The following PDZD2 variants were observed in gnomAD, a reference collection of about 807,000 sequenced individuals.
PDZD2 encodes the protein PDZ domain containing 2, also known as PDZ domain-containing protein 2.
Under a neutral mutation model 220.7 loss-of-function variants are expected in PDZD2, and 90 were observed. That is an observed-to-expected ratio of 0.41 (90% CI 0.34 to 0.49). The LOEUF is 0.49. Ranked by LOEUF, PDZD2 falls within the 20% of genes least tolerant of loss-of-function variation. The probability of loss-of-function intolerance (pLI) is 0.28; values close to 1 mark genes in which losing one functional copy is unlikely to be tolerated. For missense variants in PDZD2, 3,174 were observed against 3,608.5 expected, an observed-to-expected ratio of 0.88 and a Z score of 3.08; for synonymous variants, 1,375 against 1,450.5, an observed-to-expected ratio of 0.95 and a Z score of 1.18.
chr5:31,655,866 C>T (rs1005928038), intron 1 of PDZD2, among the ~76,000 whole-genome samples: 9 of 152,208 alleles, frequency 5.9e-5, no homozygotes, highest in African/African-American at 1.9e-4. Context: ...GCCTCTGTGG[C>T]ATATGTTGTT....
intron 1 of PDZD2, among the ~76,000 whole-genome samples, chr5:31,746,445 G>T (rs1445173570): frequency 1.3e-5 from 2 of 152,174 alleles, no homozygotes; most frequent in African/African-American, 4.8e-5. Context: ...GAGTGGATTG[G>T]TGTGCCAACT....
chr5:31,678,670 C>T (rs1746538321), intron 1 of PDZD2, among the ~76,000 whole-genome samples: 1 of 152,166 alleles, frequency 6.6e-6, no homozygotes, highest in South Asian at 2.1e-4. Flanking sequence ...GGTTGGAGTA[C>T]AGTGGCACAA....
In PDZD2 at chr5:32,088,973, AAAAG is replaced by A; in HGVS notation, c.5526_5529del (p.Lys1843AlafsTer30). 6.2e-7 allele frequency: 1 copy of A among 1,614,052 alleles called. No individual in the cohort carries two copies. ...ATTCAGATGGTGAGTTCAAGCCAAA[AAAAG>A]GGCGTTACTGTGCCTCATAGCCCTC... On this transcript the variant is annotated frameshift_variant, in exon 20 of 25. Coordinates refer to ENST00000438447, the MANE Select transcript of PDZD2 (RefSeq NM_178140.4). LOFTEE classifies it high-confidence loss of function. This position sits in a 1 kb window ranked among gnomAD's most constrained non-coding sequence, Gnocchi z 4.6.
In PDZD2 at chr5:31,662,880, G is replaced by T. The variant is rs534399105; in HGVS notation, c.-361+23443G>T. ...CTCCTGACCTTGTGATCCACCCGCT[G>T]TGGCCTCCCAAAGTGCTGGGATTAC... On this transcript the variant is annotated intron_variant, in intron 1 of 24. Transcript: ENST00000438447. 4.0e-3 allele frequency among the ~76,000 whole-genome samples: 616 copies of T among 152,270 alleles called. 3 individuals carry two copies. Among genetic ancestry groups the T allele is most frequent in the African/African-American group, 0.013 (541 of 41,552 alleles).
intron 2 of PDZD2, among the ~76,000 whole-genome samples, chr5:31,913,137 G>A (rs1439979068): frequency 6.6e-6 from 1 of 152,194 alleles, no homozygotes; most frequent in East Asian, 1.9e-4. Flanking sequence ...GGAAGGCTGA[G>A]GCGGGTGGAT....
intron 2 of PDZD2, among the ~76,000 whole-genome samples, chr5:31,841,684 A>G (rs937893658): frequency 1.3e-5 from 2 of 150,802 alleles, no homozygotes; most frequent in African/African-American, 4.9e-5. Context: ...AAAAAAGAAC[A>G]ATACCTGGCT....
intron 6 of PDZD2, among the ~76,000 whole-genome samples, chr5:32,021,658 C>T (rs188689017): frequency 6.6e-6 from 1 of 152,282 alleles, no homozygotes; most frequent in African/African-American, 2.4e-5. Context: ...CTCTGATTGC[C>T]AGTCTTACCT....
intron 1 of PDZD2, among the ~76,000 whole-genome samples, chr5:31,772,774 A>G (rs549570394): frequency 6.6e-6 from 1 of 152,170 alleles, no homozygotes; most frequent in South Asian, 2.1e-4. Context: ...CCTGGAGGGC[A>G]CCTCCTGTTT....
At chr5:32,057,313 C>A (rs1380774554) in intron 10 of PDZD2, among the ~76,000 whole-genome samples, 2 of 152,138 alleles carry the variant, frequency 1.3e-5, no homozygotes, top group Admixed American at 6.5e-5. Context: ...AGTTTTTAAA[C>A]AATGACTATG....
At chr5:31,692,877 G>C (rs1000447765) in intron 1 of PDZD2, 3 of 152,284 alleles carry the variant, frequency 2.0e-5, no homozygotes, top group African/African-American at 7.2e-5. Flanking sequence ...GCCTCTGTCC[G>C]GGTCAGGGGA....
chr5:32,047,415 G>A (rs989644379), intron 7 of PDZD2, among the ~76,000 whole-genome samples: 3 of 152,156 alleles, frequency 2.0e-5, no homozygotes, highest in Admixed American at 1.3e-4. Context: ...CTAATGACAT[G>A]TGAGAGAATA....
intron 2 of PDZD2, among the ~76,000 whole-genome samples, chr5:31,849,879 T>C (rs1231105115): frequency 2.1e-5 from 1 of 48,284 alleles, no homozygotes; most frequent in Non-Finnish European, 3.4e-5. Context: ...TACATATATA[T>C]ATATATATAC....
intron 1 of PDZD2, among the ~76,000 whole-genome samples, chr5:31,691,324 T>G (rs2150128251): frequency 6.6e-6 from 1 of 152,278 alleles, no homozygotes. Context: ...CGGTGAGTGT[T>G]ACAGCTCATA....
intron 1 of PDZD2, among the ~76,000 whole-genome samples, chr5:31,763,613 C>T (rs980973295): frequency 1.3e-5 from 2 of 152,142 alleles, no homozygotes; most frequent in African/African-American, 4.8e-5. Context: ...GAGGTTGTGA[C>T]GTCATCAAGA....
At chr5:32,084,945 T>G (rs1742295418) in intron 19 of PDZD2, among the ~76,000 whole-genome samples, 1 of 145,390 alleles carries the variant, frequency 6.9e-6, no homozygotes, top group Non-Finnish European at 1.5e-5. Context: ...TTCATTCTGT[T>G]GCCTTTTTTT....
intron 2 of PDZD2, among the ~76,000 whole-genome samples, chr5:31,856,942 A>T (rs1471885685): frequency 1.3e-5 from 2 of 151,000 alleles, no homozygotes; most frequent in African/African-American, 4.9e-5. Flanking sequence ...ATATAACTTT[A>T]AAAAGTCAAA....
chr5:31,926,751 A>G (rs1330063767), intron 2 of PDZD2, among the ~76,000 whole-genome samples: 4 of 152,184 alleles, frequency 2.6e-5, no homozygotes, highest in Non-Finnish European at 4.4e-5. Flanking sequence ...CATCCTGTCA[A>G]AAAGACACAT....
intron 2 of PDZD2, among the ~76,000 whole-genome samples, chr5:31,969,530 A>AAAAAAAAAAAAAAAAAAAAAAG (rs1749093552): frequency 7.0e-6 from 1 of 142,532 alleles, no homozygotes; most frequent in Non-Finnish European, 1.6e-5. Flanking sequence ...AAAAAAAAAA[A>AAAAAAAAAAAAAAAAAAAAAAG]AAAAACAATG....
chr5:32,064,044 C>T (rs758516442), intron 14 of PDZD2, among the ~76,000 whole-genome samples: 4 of 152,126 alleles, frequency 2.6e-5, no homozygotes, highest in South Asian at 4.1e-4. Context: ...TGGACCCATA[C>T]GGAAGTTGCA....
Sources: gnomAD v4.1 joint callset for allele counts (sites outside exome capture counted in the v4.1 genomes callset) on GRCh38, gnomAD v4.1.1 for gene constraint, Gnocchi (gnomAD v3.1) non-coding constraint, MANE v1.5 for transcripts, NCBI Gene and HGNC (gene_info 2026-07-23, HGNC 2026-07-21) for gene names.